Variants in PNPLA4 observed in about 807,000 individuals in gnomAD.
PNPLA4 encodes the protein patatin like domain 4, phospholipase and triacylglycerol lipase, also known as patatin-like phospholipase domain-containing protein 4.
A neutral mutation model predicts 18.3 loss-of-function variants in PNPLA4; 15 were observed. That is an observed-to-expected ratio of 0.82 (90% CI 0.55 to 1.26). The LOEUF (loss-of-function observed/expected upper bound fraction) is 1.26, where lower values mean the gene tolerates loss of function less well. Among genes scored for constraint, PNPLA4 ranks in the 50% most tolerant of loss-of-function variants. PNPLA4 has a pLI of 0.00. For missense variants in PNPLA4, 229 were observed against 196.8 expected (o/e 1.16, Z -0.98); for synonymous variants, 88 against 85.6 (o/e 1.03, Z -0.16).
At chrX:7,901,333 G>T (rs1291875079) in intron 6 of PNPLA4, among the ~76,000 whole-genome samples, 1 of 111,984 alleles carries the variant, frequency 8.9e-6, no homozygotes, top group Non-Finnish European at 1.9e-5. Context: ...TGTAATCCCA[G>T]CACTTTGAGA....
At chrX:7,902,238 T>A in intron 5 of PNPLA4, 97 bp from the exon 6 acceptor site, 1 of 852,094 alleles carries the variant, frequency 1.2e-6, no homozygotes, top group Non-Finnish European at 1.6e-6. Flanking sequence ...GATATGCTTT[T>A]AAATTGCTAT....
chrX:7,918,733 T>C (rs1429449944), intron 4 of PNPLA4, among the ~76,000 whole-genome samples: 4 of 111,521 alleles, frequency 3.6e-5, no homozygotes, highest in African/African-American at 1.3e-4. Flanking sequence ...CATCCTCCCA[T>C]GGCACCACCT....
At chrX:7,909,248 C>G (rs753556068) in intron 5 of PNPLA4, among the ~76,000 whole-genome samples, 1 of 111,897 alleles carries the variant, frequency 8.9e-6, no homozygotes, top group Non-Finnish European at 1.9e-5. Context: ...GCACTGGATT[C>G]TGGTGTATAC....
intron 4 of PNPLA4, among the ~76,000 whole-genome samples, chrX:7,917,901 T>C (rs1924095111): frequency 8.9e-6 from 1 of 112,116 alleles, no homozygotes; most frequent in Admixed American, 9.5e-5. Context: ...TTCAGGTACA[T>C]AGGCACTCTG....
At chrX:7,914,662 C>T (rs1161396907) in intron 4 of PNPLA4, among the ~76,000 whole-genome samples, 1 of 111,684 alleles carries the variant, frequency 9.0e-6, no homozygotes, top group African/African-American at 3.3e-5. Flanking sequence ...AAAGACAATA[C>T]ATAAATATAA....
At chrX:7,924,856 T>C (rs1228032418) in intron 2 of PNPLA4, among the ~76,000 whole-genome samples, 1 of 111,953 alleles carries the variant, frequency 8.9e-6, no homozygotes, top group Non-Finnish European at 1.9e-5. Context: ...TTGCCACAGC[T>C]CAAGAAAAGA....
chrX:7,907,254 G>A (rs1923734164), intron 5 of PNPLA4, among the ~76,000 whole-genome samples: 2 of 111,582 alleles, frequency 1.8e-5, no homozygotes, highest in African/African-American at 3.2e-5. Flanking sequence ...CCTGATCTCA[G>A]GTGATCCGCC....
intron 4 of PNPLA4, among the ~76,000 whole-genome samples, chrX:7,920,152 G>A (rs1351623198): frequency 9.0e-6 from 1 of 111,356 alleles, no homozygotes; most frequent in Non-Finnish European, 1.9e-5. Flanking sequence ...GGGAGATCAG[G>A]GGCTGAGAGT....
In PNPLA4 at chrX:7,900,583, G is replaced by A. The variant is rs1923496882; in HGVS notation, c.*103C>T. 1.9e-6 allele frequency: 1 copy of A among 524,374 alleles called. No individual in the cohort carries two copies. Among genetic ancestry groups the A allele is most frequent in the East Asian group, 3.8e-5 (1 of 26,245 alleles). The allele number at this position is 524,374 out of a possible 1,213,427, so 43.2% of individuals were successfully genotyped here. On this transcript the variant is annotated 3_prime_UTR_variant, in exon 7 of 7. Transcript: ENST00000381042. The stretch of plus-strand genomic sequence containing the variant: ...AAAATAAACACAAATATTACAAGGA[G>A]TAATACAATTGAGTCATGATAGATT...
chrX:7,902,050 A>G lies in PNPLA4; in HGVS notation c.569T>C (p.Ile190Thr), dbSNP rs1432348310. Residue 190 changes from isoleucine to threonine, a missense_variant, in exon 6 of 7, where the codon ATC becomes ACC. Physicochemically the swap from Ile to Thr is moderately conservative, Grantham distance 89 (BLOSUM62 -1). Transcript: ENST00000381042. ...TAGCTGCCCTTTGTCCTGCGGGGAGATGTCCAGTCGTCCACTGAAGGGGGA... is the reference window on the plus strand; with the variant it reads ...TAGCTGCCCTTTGTCCTGCGGGGAGGTGTCCAGTCGTCCACTGAAGGGGGA... ...TISPFSGRLDISPQDKGQLDL... is the reference protein window; with the variant it reads ...TISPFSGRLDTSPQDKGQLDL... 1 of 1,209,439 alleles carries G rather than the reference A, an allele frequency of 8.3e-7. No homozygotes were observed. Among genetic ancestry groups the G allele is most frequent in the Non-Finnish European group, 1.1e-6 (1 of 894,294 alleles).
chrX:7,905,763 T>A (rs1343394612), intron 5 of PNPLA4, among the ~76,000 whole-genome samples: 1 of 112,044 alleles, frequency 8.9e-6, no homozygotes, highest in Admixed American at 9.5e-5. Context: ...CAGGTTTCCT[T>A]GCTATAGTTC....
In PNPLA4 at chrX:7,926,111, G is replaced by A; in HGVS notation, c.9C>T (p.His3=). 8.3e-7 allele frequency: 1 copy of A among 1,207,320 alleles called. No homozygotes were observed. The highest frequency in any genetic ancestry group is 1.1e-6 in the Non-Finnish European group (1 of 892,588). MK[H]INLSFAACGF... The stretch of plus-strand genomic sequence containing the variant: ...CACACGCTGCAAATGATAGGTTGAT[G>A]TGCTTCATTCTAGCTGTAGCACTGG... The change falls in exon 2 of 7, where the codon CAC becomes CAT. Residue 3 remains histidine, a synonymous_variant. Transcript: ENST00000381042.
intron 5 of PNPLA4, among the ~76,000 whole-genome samples, chrX:7,909,248 C>A (rs753556068): frequency 8.5e-4 from 95 of 111,951 alleles, no homozygotes; most frequent in African/African-American, 2.7e-3. Flanking sequence ...GCACTGGATT[C>A]TGGTGTATAC....
Position 7,925,994 on chromosome X carries a change from C to T in PNPLA4, c.126G>A (p.Ala42=), listed in dbSNP as rs765762759. ...CAGAAGCAACCAACGATCCCGCAGACGCCCCAGCGAAGGCTTTGACATCCT... is the reference window on the plus strand; with the variant it reads ...CAGAAGCAACCAACGATCCCGCAGATGCCCCAGCGAAGGCTTTGACATCCT... ...LVKDVKAFAG[A]SAGSLVASVL... Residue 42 remains alanine, a synonymous_variant, in exon 2 of 7, where the codon GCG becomes GCA. Coordinates refer to ENST00000381042, the MANE Select transcript of PNPLA4 (RefSeq NM_004650.3). The T allele has an allele frequency of 8.3e-7, 1 of 1,211,750 alleles. No homozygotes were observed. The highest frequency in any genetic ancestry group is 2.2e-5 in the Admixed American group (1 of 46,119).
At chrX:7,925,917 A>T in intron 2 of PNPLA4, 23 bp downstream of exon 2, 1 of 1,187,015 alleles carries the variant, frequency 8.4e-7, no homozygotes, top group Admixed American at 2.2e-5. Flanking sequence ...TGAGGAACAC[A>T]GCCTAAGTTA....
intron 5 of PNPLA4, among the ~76,000 whole-genome samples, chrX:7,906,528 G>C (rs1267801026): frequency 8.9e-6 from 1 of 111,921 alleles, no homozygotes; most frequent in East Asian, 2.8e-4. Context: ...ATTTTTCCTA[G>C]AGGACTAACA....
At chrX:7,914,176 G>A (rs892347892) in intron 4 of PNPLA4, among the ~76,000 whole-genome samples, 4 of 112,003 alleles carry the variant, frequency 3.6e-5, no homozygotes, top group Non-Finnish European at 7.5e-5. Flanking sequence ...TGTCAATGTG[G>A]ACATGCCCGC....
At chrX:7,903,199 A>G (rs1257124518) in intron 5 of PNPLA4, among the ~76,000 whole-genome samples, 1 of 112,096 alleles carries the variant, frequency 8.9e-6, no homozygotes, top group Non-Finnish European at 1.9e-5. Context: ...GAAACAGGCC[A>G]AAATAAAATG....
intron 6 of PNPLA4, among the ~76,000 whole-genome samples, chrX:7,901,672 A>G (rs1005989647): frequency 6.3e-5 from 7 of 111,741 alleles, no homozygotes; most frequent in Admixed American, 5.7e-4. Flanking sequence ...GTTAATAAGC[A>G]GCAAAAATGG....
Sources: gnomAD v4.1 joint callset for allele counts (sites outside exome capture counted in the v4.1 genomes callset) on GRCh38, gnomAD v4.1.1 for gene constraint, MANE v1.5 for transcripts, NCBI Gene and HGNC (gene_info 2026-07-23, HGNC 2026-07-21) for gene names.